GARRE1: variants seen among roughly 807,000 people sequenced by gnomAD.
GARRE1 encodes granule associated Rac and RHOG effector 1.
GARRE1 carries 49 observed loss-of-function variants against 103.2 expected under a neutral mutation model. That is an observed-to-expected ratio of 0.47 (90% CI 0.38 to 0.60). The LOEUF (loss-of-function observed/expected upper bound fraction) is 0.60. Ranked by LOEUF, GARRE1 falls within the 20% of genes least tolerant of loss-of-function variation. The pLI is 0.00. For missense variants in GARRE1, 1,199 were observed against 1,370.5 expected, an observed-to-expected ratio of 0.87 and a Z score of 1.98; for synonymous variants, 505 against 532.8, an observed-to-expected ratio of 0.95 and a Z score of 0.72.
Position 34,327,494 on chromosome 19 carries a change from C to T in GARRE1, c.779C>T (p.Ser260Phe). ...AGIEVQQLFC[S>F]QSAAIPEHQL... ...ATTGAAGTTCAACAACTCTTTTGTT[C>T]TCAAAGTGCAGCAATTCCTGAGCAC... The change falls in exon 4 of 14, where the codon TCT becomes TTT. Residue 260 changes from serine (S) to phenylalanine (F), a missense_variant. Transcript: ENST00000299505. The T allele has an allele frequency of 6.2e-7, 1 of 1,614,046 alleles. No homozygotes were observed. The highest frequency in any genetic ancestry group is 2.2e-5 in the East Asian group (1 of 44,878).
At chr19:34,264,620 G>A (rs922100889) in intron 1 of GARRE1, among the ~76,000 whole-genome samples, 1 of 152,106 alleles carries the variant, frequency 6.6e-6, no homozygotes, top group Admixed American at 6.6e-5. Flanking sequence ...GGATGGTCTT[G>A]ATCTCCTGAC....
chr19:34,344,820 C>T (rs1166900909), intron 10 of GARRE1, among the ~76,000 whole-genome samples: 5 of 150,236 alleles, frequency 3.3e-5, no homozygotes, highest in Admixed American at 3.3e-4. Flanking sequence ...ACTACAGGTG[C>T]CTGCCACCAC....
chr19:34,323,391 C>T (rs546229971), intron 3 of GARRE1, among the ~76,000 whole-genome samples: 16 of 152,270 alleles, frequency 1.1e-4, no homozygotes, highest in Admixed American at 9.2e-4. Context: ...CATGATTTTT[C>T]ACATGTTAAT....
chr19:34,338,813 G>A (rs1278726244), intron 8 of GARRE1, among the ~76,000 whole-genome samples: 1 of 152,140 alleles, frequency 6.6e-6, no homozygotes, highest in Non-Finnish European at 1.5e-5. Flanking sequence ...CCATTGAAGA[G>A]TTTTAAGCAG....
chr19:34,311,305 G>A (rs1353729682), intron 2 of GARRE1, among the ~76,000 whole-genome samples: 1 of 152,204 alleles, frequency 6.6e-6, no homozygotes, highest in East Asian at 1.9e-4. Flanking sequence ...GTGGTCACTT[G>A]AATAAGATCT....
At chr19:34,260,883 C>T (rs1336874194) in intron 1 of GARRE1, among the ~76,000 whole-genome samples, 1 of 152,212 alleles carries the variant, frequency 6.6e-6, no homozygotes, top group East Asian at 1.9e-4. Context: ...TTTGTATCCT[C>T]AGAAGAAATA....
chr19:34,264,394 A>G (rs1238599064), intron 1 of GARRE1, among the ~76,000 whole-genome samples: 4 of 151,712 alleles, frequency 2.6e-5, no homozygotes, highest in Admixed American at 2.6e-4. Context: ...ATGTGATGAC[A>G]TGTCTTTTTT....
intron 3 of GARRE1, among the ~76,000 whole-genome samples, chr19:34,323,166 G>C (rs1339147092): frequency 2.0e-5 from 3 of 151,120 alleles, no homozygotes; most frequent in Non-Finnish European, 4.4e-5. Context: ...CGCGTAGCTG[G>C]GACTACAGGT....
intron 13 of GARRE1, among the ~76,000 whole-genome samples, chr19:34,352,399 CAAA>C (rs56046544): frequency 5.7e-5 from 5 of 88,422 alleles, no homozygotes; most frequent in Admixed American, 1.2e-4. Context: ...GACTGCATCT[CAAA>C]AAAAAAAAAA....
chr19:34,340,936 C>G lies in GARRE1; in HGVS notation c.1488-486C>G, dbSNP rs545141423. On this transcript the variant is annotated intron_variant, in intron 9 of 13. Coordinates refer to ENST00000299505, the MANE Select transcript of GARRE1 (RefSeq NM_014686.5). ...CCCCATGCCCTTTCGCTCTTTAGGG[C>G]TCCATTTTAGTATGGGAAAAATGTG... Among the ~76,000 whole-genome samples, 160 of 152,314 alleles carry G rather than the reference C, an allele frequency of 1.1e-3. 1 individual carries two copies. Among genetic ancestry groups the G allele is most frequent in the Middle Eastern group, 6.8e-3 (2 of 294 alleles).
intron 1 of GARRE1, among the ~76,000 whole-genome samples, chr19:34,255,494 C>T (rs1349367005): frequency 6.6e-6 from 1 of 152,104 alleles, no homozygotes; most frequent in Non-Finnish European, 1.5e-5. Context: ...CAGTCATCTG[C>T]CAGTCTACCA....
At chr19:34,259,700 A>G (rs754483115) in intron 1 of GARRE1, among the ~76,000 whole-genome samples, 1 of 152,036 alleles carries the variant, frequency 6.6e-6, no homozygotes, top group Non-Finnish European at 1.5e-5. Flanking sequence ...ATTCAGTTTA[A>G]TGAGGGGACA....
chr19:34,313,745 A>G (rs1012991357), intron 2 of GARRE1, among the ~76,000 whole-genome samples: 1 of 152,190 alleles, frequency 6.6e-6, no homozygotes, highest in Non-Finnish European at 1.5e-5. Flanking sequence ...GATAACTTAA[A>G]TATGTTTTTA....
At chr19:34,265,107 G>GA (rs538070846) in intron 1 of GARRE1, among the ~76,000 whole-genome samples, 5 of 151,878 alleles carry the variant, frequency 3.3e-5, no homozygotes, top group Non-Finnish European at 2.9e-5. Context: ...GATATTACCT[G>GA]AAAAAAAATC....
At chr19:34,334,277 T>TA (rs1341133149) in intron 8 of GARRE1, among the ~76,000 whole-genome samples, 1 of 152,150 alleles carries the variant, frequency 6.6e-6, no homozygotes, top group African/African-American at 2.4e-5. Context: ...TTGTAACACT[T>TA]ATAATAGATA....
At chr19:34,289,750 T>C (rs1028092311) in intron 1 of GARRE1, among the ~76,000 whole-genome samples, 44 of 151,840 alleles carry the variant, frequency 2.9e-4, no homozygotes, top group Non-Finnish European at 5.3e-4. Context: ...AAAGTAAATA[T>C]TAGGTTAAGC....
chr19:34,302,736 GTTTTTTTTTT>G (rs35460135), intron 2 of GARRE1, among the ~76,000 whole-genome samples: 75 of 129,048 alleles, frequency 5.8e-4, no homozygotes, highest in Middle Eastern at 8.2e-3. Context: ...GTCTTTGATA[GTTTTTTTTTT>G]TTTTTTTTTT....
chr19:34,330,701 C>G (rs1156334333), intron 7 of GARRE1, among the ~76,000 whole-genome samples: 1 of 150,396 alleles, frequency 6.6e-6, no homozygotes, highest in Admixed American at 6.6e-5. Flanking sequence ...TGAAATCAGC[C>G]TGGGCAACAT....
At chr19:34,308,196 G>T (rs954284129) in intron 2 of GARRE1, among the ~76,000 whole-genome samples, 1 of 147,330 alleles carries the variant, frequency 6.8e-6, no homozygotes, top group Non-Finnish European at 1.5e-5. Context: ...TCAAAAATAC[G>T]ATTTGCATTA....
Sources: gnomAD v4.1 joint callset for allele counts (sites outside exome capture counted in the v4.1 genomes callset) on GRCh38, gnomAD v4.1.1 for gene constraint, MANE v1.5 for transcripts, NCBI Gene and HGNC (gene_info 2026-07-23, HGNC 2026-07-21) for gene names.